Variants in C8orf34 observed in about 807,000 individuals in gnomAD.
C8orf34 encodes uncharacterized protein C8orf34.
A neutral mutation model predicts 68.3 loss-of-function variants in C8orf34; 65 were observed. The ratio of observed to expected loss-of-function variants is 0.95; its 90% CI spans 0.78 to 1.17. The LOEUF is 1.17. Among genes scored for constraint, C8orf34 ranks in the 50% most tolerant of loss-of-function variants. The probability of loss-of-function intolerance (pLI) is 0.00; values close to 1 mark genes in which losing one functional copy is unlikely to be tolerated. For missense variants in C8orf34, 664 were observed against 655.4 expected (o/e 1.01, Z -0.14); for synonymous variants, 244 against 241.2 (o/e 1.01, Z -0.11).
intron 1 of C8orf34, among the ~76,000 whole-genome samples, chr8:68,396,089 T>A (rs961214921): frequency 3.3e-5 from 5 of 152,012 alleles, no homozygotes; most frequent in African/African-American, 1.2e-4. Flanking sequence ...ATAAAGTCAT[T>A]TATTTATAGC....
chr8:68,435,281 A>AAATG (rs543936265), intron 1 of C8orf34, among the ~76,000 whole-genome samples: 2,418 of 151,936 alleles, frequency 0.016, 83 homozygotes, highest in African/African-American at 0.054. Flanking sequence ...TATATCACTA[A>AAATG]GAGTTAAGTC....
At position 68,649,845 on chromosome 8, in the gene C8orf34, A is replaced by G. The variant is rs191998699; in HGVS notation, c.1241+9334A>G. On this transcript the variant is annotated intron_variant, in intron 8 of 13. Coordinates refer to ENST00000518698, the MANE Select transcript of C8orf34 (RefSeq NM_052958.4). Reference sequence around the variant, plus strand: ...AGCTTGGCCACTGTACAACGTATGGAAAAAAAAACCTCTGTAGACTTCAAT... The same window carrying G: ...AGCTTGGCCACTGTACAACGTATGGGAAAAAAAACCTCTGTAGACTTCAAT... 2.4e-3 allele frequency among the ~76,000 whole-genome samples: 357 copies of G among 151,514 alleles called. 5 individuals are homozygous for G. The highest frequency in any genetic ancestry group is 7.6e-3 in the African/African-American group (312 of 41,306).
intron 1 of C8orf34, among the ~76,000 whole-genome samples, chr8:68,374,995 G>A (rs1170810568): frequency 6.6e-6 from 1 of 152,136 alleles, no homozygotes; most frequent in African/African-American, 2.4e-5. Flanking sequence ...ATAAATGGTA[G>A]TTTTTACTTC....
intron 11 of C8orf34, among the ~76,000 whole-genome samples, chr8:68,782,110 T>C (rs955586161): frequency 1.3e-5 from 2 of 152,228 alleles, no homozygotes; most frequent in Non-Finnish European, 2.9e-5. Flanking sequence ...ATTTTTCTGT[T>C]TTAAAGGAAT....
Position 68,405,744 on chromosome 8 carries a change from A to G in C8orf34, c.328-33755A>G, listed in dbSNP as rs544345130. Among the ~76,000 whole-genome samples, 8 of 152,256 alleles carry G rather than the reference A, an allele frequency of 5.3e-5. No homozygotes were observed. In the South Asian group the frequency reaches 1.2e-3, roughly 24 times the overall value. ...AAAAAACTAACTAAGAAGAAAATAC[A>G]CACTTAATTTTTGTTTCTAATCTAC... On this transcript the variant is annotated intron_variant, in intron 1 of 13. Coordinates refer to ENST00000518698, the MANE Select transcript of C8orf34 (RefSeq NM_052958.4).
intron 7 of C8orf34, chr8:68,533,906 A>G: frequency 1.1e-6 from 1 of 896,402 alleles, no homozygotes; most frequent in South Asian, 5.1e-5. Context: ...GCTACAAATA[A>G]AGAGTATGAT....
At chr8:68,351,433 T>C (rs1806508493) in intron 1 of C8orf34, among the ~76,000 whole-genome samples, 1 of 152,074 alleles carries the variant, frequency 6.6e-6, no homozygotes, top group Non-Finnish European at 1.5e-5. Context: ...TGATGATGCA[T>C]CTTGGAGATG....
intron 7 of C8orf34, among the ~76,000 whole-genome samples, chr8:68,590,254 G>C (rs1168553853): frequency 6.6e-6 from 1 of 150,910 alleles, no homozygotes; most frequent in African/African-American, 2.4e-5. Flanking sequence ...AGAGGGAAAA[G>C]CAAAAGATGG....
At chr8:68,513,229 A>C (rs1487340846) in intron 5 of C8orf34, among the ~76,000 whole-genome samples, 1 of 152,192 alleles carries the variant, frequency 6.6e-6, no homozygotes, top group Non-Finnish European at 1.5e-5. Flanking sequence ...GCTTCCCTTG[A>C]AAAAATACTT....
chr8:68,461,998 A>G lies in C8orf34; in HGVS notation c.608-6694A>G, dbSNP rs567063711. On this transcript the variant is annotated intron_variant, in intron 3 of 13. Transcript: ENST00000518698. ...CCAATTAAAAGACACAGACTAGCAAATTGGATAAAGAGTCAAGACCCATCA... is the reference window on the plus strand; with the variant it reads ...CCAATTAAAAGACACAGACTAGCAAGTTGGATAAAGAGTCAAGACCCATCA... Among the ~76,000 whole-genome samples, 110 of 152,320 alleles carry G rather than the reference A, an allele frequency of 7.2e-4. 3 individuals carry two copies. In the South Asian group the frequency reaches 0.02, roughly 28 times the overall value.
At position 68,792,065 on chromosome 8, in the gene C8orf34, T is replaced by C. The variant is rs534692724; in HGVS notation, c.1549+4529T>C. 2.6e-5 allele frequency: 4 copies of C among 152,274 alleles called. No homozygotes were observed. In the East Asian group the frequency reaches 7.7e-4, roughly 29 times the overall value. 9.4% of individuals were successfully genotyped at this position (152,274 alleles called of 1,614,324 possible). ...CATTAAAATTCACAGGGTCCTCTCA[T>C]GTGTAAATGTAAGAACTGGGGCATT... On this transcript the variant is annotated intron_variant, in intron 12 of 13. Transcript: ENST00000518698.
At chr8:68,745,991 C>G (rs891353361) in intron 10 of C8orf34, among the ~76,000 whole-genome samples, 9 of 152,210 alleles carry the variant, frequency 5.9e-5, no homozygotes, top group Non-Finnish European at 8.8e-5. Context: ...GGAAGTAAAG[C>G]TCTTCTCAGC....
intron 10 of C8orf34, among the ~76,000 whole-genome samples, chr8:68,746,255 T>G (rs2129527432): frequency 6.6e-6 from 1 of 150,818 alleles, no homozygotes; most frequent in Middle Eastern, 3.4e-3. Context: ...GGGAAATTTA[T>G]AGCACTAAAT....
chr8:68,678,727 T>C (rs569411379), intron 8 of C8orf34, among the ~76,000 whole-genome samples: 1 of 152,130 alleles, frequency 6.6e-6, no homozygotes, highest in African/African-American at 2.4e-5. Flanking sequence ...AACATCATAC[T>C]GGAAGTCCTA....
intron 10 of C8orf34, among the ~76,000 whole-genome samples, chr8:68,767,720 A>G (rs1053311670): frequency 1.3e-5 from 2 of 152,164 alleles, no homozygotes; most frequent in African/African-American, 4.8e-5. Flanking sequence ...TGTAACTTTG[A>G]ACCCTAACTC....
chr8:68,548,269 A>C (rs1446304912), intron 7 of C8orf34, among the ~76,000 whole-genome samples: 1 of 151,810 alleles, frequency 6.6e-6, no homozygotes, highest in Non-Finnish European at 1.5e-5. Context: ...ATTTAGATAA[A>C]ATATATACAA....
intron 7 of C8orf34, chr8:68,535,426 T>C: frequency 2.0e-6 from 2 of 981,774 alleles, no homozygotes; most frequent in Non-Finnish European, 2.4e-6. Context: ...GTAAACCTTG[T>C]GAAGTGATAA....
chr8:68,588,158 C>T (rs964415224), intron 7 of C8orf34, among the ~76,000 whole-genome samples: 6 of 152,098 alleles, frequency 3.9e-5, no homozygotes, highest in Admixed American at 6.6e-5. Context: ...AAATTTTGAG[C>T]GCATTTAAGG....
chr8:68,628,960 T>G (rs1265379157), intron 7 of C8orf34, among the ~76,000 whole-genome samples: 5 of 152,196 alleles, frequency 3.3e-5, no homozygotes, highest in Non-Finnish European at 7.3e-5. Flanking sequence ...ATTGGTTCAT[T>G]TTCCTCAATA....
Sources: allele counts gnomAD v4.1 joint callset (sites outside exome capture counted in the v4.1 genomes callset), GRCh38; gene constraint gnomAD v4.1.1; transcripts MANE v1.5; gene names NCBI Gene and HGNC (gene_info 2026-07-23, HGNC 2026-07-21).